CA10: variants seen among roughly 807,000 people sequenced by gnomAD.
CA10 encodes carbonic anhydrase-related protein 10.
Under a neutral mutation model 44.2 loss-of-function variants are expected in CA10, and 14 were observed. That is an observed-to-expected ratio of 0.32 (90% CI 0.21 to 0.50). CA10 has a LOEUF of 0.50. Ranked by LOEUF, CA10 falls within the 20% of genes least tolerant of loss-of-function variation. The pLI is 0.99. For synonymous variants in CA10, 159 were observed against 141.6 expected, an observed-to-expected ratio of 1.12 and a Z score of -0.87; for missense variants, 350 against 409.7, an observed-to-expected ratio of 0.85 and a Z score of 1.26.
rs552215396 is a variant in CA10 at position 52,131,107 on chromosome 17, A to T, written c.61+26619T>A. Among the ~76,000 whole-genome samples, 898 of 150,340 alleles carry T rather than the reference A, an allele frequency of 6.0e-3. 45 individuals carry two copies. Among genetic ancestry groups the T allele is most frequent in the Admixed American group, 0.044 (661 of 15,036 alleles). ...TATATACTATATTTATTTTTATTTT[A>T]TTTTTTTTTAGACTATAAACATAAA... On this transcript the variant is annotated intron_variant, in intron 1 of 8. Transcript: ENST00000451037.
intron 1 of CA10, among the ~76,000 whole-genome samples, chr17:52,154,706 A>T (rs1989768502): frequency 6.6e-6 from 1 of 152,212 alleles, no homozygotes; most frequent in Non-Finnish European, 1.5e-5. Context: ...GGAAAGCCAG[A>T]GGAACTCCCA....
chr17:52,039,250 T>C (rs1234460053), intron 2 of CA10, among the ~76,000 whole-genome samples: 1 of 152,078 alleles, frequency 6.6e-6, no homozygotes. Flanking sequence ...CCAGGATGAG[T>C]AACTTTTTCC....
At chr17:51,659,898 C>A (rs972158936) in intron 4 of CA10, among the ~76,000 whole-genome samples, 8 of 152,170 alleles carry the variant, frequency 5.3e-5, no homozygotes, top group African/African-American at 1.9e-4. Flanking sequence ...TTTGGGTAAA[C>A]ATCTCAAGGG....
chr17:52,020,645 C>T (rs1413073778), intron 2 of CA10, among the ~76,000 whole-genome samples: 2 of 151,990 alleles, frequency 1.3e-5, no homozygotes, highest in Non-Finnish European at 2.9e-5. Flanking sequence ...ATTCTGCCTT[C>T]CATAACTTTT....
intron 3 of CA10, among the ~76,000 whole-genome samples, chr17:51,796,825 C>G (rs1337949965): frequency 6.6e-6 from 1 of 152,142 alleles, no homozygotes; most frequent in Non-Finnish European, 1.5e-5. Flanking sequence ...CACAGACCAC[C>G]CACAAGGCCT....
intron 2 of CA10, among the ~76,000 whole-genome samples, chr17:51,932,817 G>A (rs1248614223): frequency 5.3e-5 from 8 of 152,144 alleles, no homozygotes; most frequent in African/African-American, 9.6e-5. Flanking sequence ...AAGGTACCAC[G>A]TCCTAGCAAG....
At chr17:51,912,160 G>A (rs926685424) in intron 3 of CA10, among the ~76,000 whole-genome samples, 5 of 152,058 alleles carry the variant, frequency 3.3e-5, no homozygotes, top group East Asian at 1.9e-4. Context: ...AAATAACACC[G>A]ACTTCAAATC....
intron 4 of CA10, among the ~76,000 whole-genome samples, chr17:51,707,743 C>T (rs1915808306): frequency 6.8e-6 from 1 of 147,536 alleles, no homozygotes; most frequent in Non-Finnish European, 1.5e-5. Context: ...AATGGAATCC[C>T]TTCTGGAAGA....
At chr17:51,904,466 G>T (rs746613702) in intron 3 of CA10, among the ~76,000 whole-genome samples, 1 of 152,040 alleles carries the variant, frequency 6.6e-6, no homozygotes, top group African/African-American at 2.4e-5. Flanking sequence ...CCACTGCAGC[G>T]CAAGAAGAGT....
intron 3 of CA10, among the ~76,000 whole-genome samples, chr17:51,849,264 T>TATATATATATATAA (rs1333191928): frequency 7.4e-6 from 1 of 135,232 alleles, no homozygotes; most frequent in African/African-American, 2.7e-5. Flanking sequence ...TATATATATA[T>TATATATATATATAA]AAAACTAAGT....
intron 3 of CA10, among the ~76,000 whole-genome samples, chr17:51,832,317 T>C (rs1213847568): frequency 2.6e-5 from 4 of 152,222 alleles, no homozygotes; most frequent in Non-Finnish European, 4.4e-5. Flanking sequence ...TTCTGATACA[T>C]AGTCCTTCTA....
At position 51,656,160 on chromosome 17, in the gene CA10, G is replaced by T. The variant is rs184727785; in HGVS notation, c.466-2424C>A. Among the ~76,000 whole-genome samples, 19 of 152,336 alleles carry T rather than the reference G, an allele frequency of 1.2e-4. No individual in the cohort carries two copies. In the East Asian group the frequency reaches 3.5e-3, roughly 28 times the overall value. ...ACTGATACAGGTGACCAACAAAACT[G>T]CCAGGGGATGTGCCAGTGCTTCCAG... On this transcript the variant is annotated intron_variant, in intron 4 of 8. Transcript: ENST00000451037.
chr17:51,923,564 C>A (rs762040891), intron 3 of CA10, among the ~76,000 whole-genome samples: 3 of 152,084 alleles, frequency 2.0e-5, no homozygotes, highest in Non-Finnish European at 4.4e-5. Context: ...TTTGAAGGAA[C>A]ATAAAAGCCT....
chr17:51,702,157 T>C (rs116951203), intron 4 of CA10, among the ~76,000 whole-genome samples: 242 of 152,348 alleles, frequency 1.6e-3, no homozygotes, highest in Non-Finnish European at 2.2e-3. Context: ...GCACCTATTA[T>C]GTGCCAGGCA....
intron 3 of CA10, among the ~76,000 whole-genome samples, chr17:51,803,191 T>G (rs1219949114): frequency 6.6e-6 from 1 of 152,224 alleles, no homozygotes; most frequent in Non-Finnish European, 1.5e-5. Flanking sequence ...GGAAGGCTGT[T>G]CAAGGAGATG....
chr17:51,877,787 T>G (rs1489806268), intron 3 of CA10, among the ~76,000 whole-genome samples: 1 of 152,104 alleles, frequency 6.6e-6, no homozygotes, highest in Non-Finnish European at 1.5e-5. Flanking sequence ...AGCAACTTTT[T>G]CACATTTTTT....
intron 3 of CA10, among the ~76,000 whole-genome samples, chr17:51,803,945 T>A (rs1907033247): frequency 6.6e-6 from 1 of 152,186 alleles, no homozygotes. Flanking sequence ...GCCCAGGAGC[T>A]GAGCTATTTG....
intron 2 of CA10, among the ~76,000 whole-genome samples, chr17:52,050,365 G>A (rs1298041651): frequency 1.3e-5 from 2 of 152,002 alleles, no homozygotes; most frequent in East Asian, 3.9e-4. Context: ...TCTAGTCACT[G>A]TTATTTCTCA....
At chr17:51,745,116 C>T (rs1904630483) in intron 4 of CA10, among the ~76,000 whole-genome samples, 5 of 152,156 alleles carry the variant, frequency 3.3e-5, no homozygotes, top group Admixed American at 3.3e-4. Context: ...AGATAGCATC[C>T]CAGCCTTGCC....
Sources: allele counts gnomAD v4.1 joint callset (sites outside exome capture counted in the v4.1 genomes callset), GRCh38; gene constraint gnomAD v4.1.1; transcripts MANE v1.5; gene names NCBI Gene and HGNC (gene_info 2026-07-23, HGNC 2026-07-21).